GABRR2: variants seen among roughly 807,000 people sequenced by gnomAD.
GABRR2 encodes gamma-aminobutyric acid type A receptor subunit rho2.
GABRR2 carries 36 observed loss-of-function variants against 47.0 expected under a neutral mutation model. The observed-to-expected ratio is 0.77, with a 90% CI of 0.59 to 1.01. The LOEUF is 1.01. Ranked by LOEUF, GABRR2 falls within the 50% of genes least tolerant of loss-of-function variation. GABRR2 has a pLI of 0.00. For synonymous variants in GABRR2, 204 were observed against 227.5 expected, an observed-to-expected ratio of 0.90 and a Z score of 0.93; for missense variants, 587 against 594.6, an observed-to-expected ratio of 0.99 and a Z score of 0.13.
intron 1 of GABRR2, chr6:89,301,949 C>T (rs1000363965): frequency 1.1e-5 from 10 of 943,400 alleles, no homozygotes; most frequent in East Asian, 2.4e-5. Context: ...GAGGCCTCTT[C>T]TCATAAGTAT....
At position 89,269,487 on chromosome 6, in the gene GABRR2, G is replaced by A; in HGVS notation, c.289-253C>T. 7.8e-6 allele frequency: 4 copies of A among 515,066 alleles called. No individual in the cohort carries two copies. The South Asian group carries it at 8.4e-5, about 11-fold the overall frequency. The allele number at this position is 515,066 out of a possible 1,614,324, so 31.9% of individuals were successfully genotyped here. A position where few individuals can be genotyped will look rare whatever the true frequency, so the allele number is the denominator to read the frequency against. On this transcript the variant is annotated intron_variant, in intron 3 of 8. Coordinates refer to ENST00000402938, the MANE Select transcript of GABRR2 (RefSeq NM_002043.5). ...GGCTTTGCAAATGAAAACTGCAGCT[G>A]TGATGCTCGCAGCCTGGCCTGGTGG...
At chr6:89,299,292 A>G (rs1183107479) in intron 2 of GABRR2, among the ~76,000 whole-genome samples, 1 of 152,220 alleles carries the variant, frequency 6.6e-6, no homozygotes, top group African/African-American at 2.4e-5. Context: ...AGTCATGGCA[A>G]CAAAGTTGCA....
intron 2 of GABRR2, among the ~76,000 whole-genome samples, chr6:89,296,544 A>AT (rs201385268): frequency 0.058 from 8,805 of 152,238 alleles, 700 homozygotes; most frequent in East Asian, 0.41. Flanking sequence ...CTTGACTTCT[A>AT]TGGAAGGTGA....
At chr6:89,301,046 A>G (rs1037445560) in intron 1 of GABRR2, among the ~76,000 whole-genome samples, 2 of 152,224 alleles carry the variant, frequency 1.3e-5, no homozygotes, top group African/African-American at 4.8e-5. Flanking sequence ...ATCCACCACA[A>G]TCAAGTAGGC....
intron 7 of GABRR2, among the ~76,000 whole-genome samples, chr6:89,265,407 T>C (rs1471072401): frequency 1.3e-5 from 2 of 152,188 alleles, no homozygotes; most frequent in Non-Finnish European, 2.9e-5. Context: ...TCACAGTTGA[T>C]GTTGTTTTAG....
At chr6:89,291,834 GT>G (rs1257640921) in intron 2 of GABRR2, among the ~76,000 whole-genome samples, 2 of 152,164 alleles carry the variant, frequency 1.3e-5, no homozygotes, top group Non-Finnish European at 1.5e-5. Flanking sequence ...TGTGAAAAGA[GT>G]TCCAATAGTA....
chr6:89,260,850 G>A (rs1773729043), intron 8 of GABRR2, among the ~76,000 whole-genome samples: 1 of 152,082 alleles, frequency 6.6e-6, no homozygotes, highest in Non-Finnish European at 1.5e-5. Context: ...AGCTCTATTG[G>A]GAAACATTTC....
At chr6:89,306,653 A>G (rs938272649) in intron 1 of GABRR2, among the ~76,000 whole-genome samples, 1 of 152,202 alleles carries the variant, frequency 6.6e-6, no homozygotes, top group Non-Finnish European at 1.5e-5. Context: ...AGGTGACGGC[A>G]AAGGAGTGAT....
intron 6 of GABRR2, among the ~76,000 whole-genome samples, chr6:89,266,152 T>G (rs1773890374): frequency 6.6e-6 from 1 of 152,150 alleles, no homozygotes; most frequent in Admixed American, 6.6e-5. Flanking sequence ...AGCCTCAGCC[T>G]CCCAAGCTCA....
intron 2 of GABRR2, among the ~76,000 whole-genome samples, chr6:89,275,620 T>C (rs1346881606): frequency 6.6e-6 from 1 of 152,052 alleles, no homozygotes; most frequent in Non-Finnish European, 1.5e-5. Flanking sequence ...CAGGCCAGGA[T>C]TGGGGGTCTA....
intron 2 of GABRR2, among the ~76,000 whole-genome samples, chr6:89,298,151 C>T (rs1037581535): frequency 1.3e-5 from 2 of 152,140 alleles, no homozygotes; most frequent in Non-Finnish European, 2.9e-5. Context: ...AATCAGGTTG[C>T]GGTTGGAAGG....
intron 2 of GABRR2, among the ~76,000 whole-genome samples, chr6:89,289,664 T>A (rs552252047): frequency 2.0e-5 from 3 of 151,736 alleles, no homozygotes; most frequent in African/African-American, 7.3e-5. Context: ...GATGGATTGA[T>A]ATAACTTGAT....
chr6:89,295,622 T>G (rs1774540196), intron 2 of GABRR2, among the ~76,000 whole-genome samples: 1 of 152,182 alleles, frequency 6.6e-6, no homozygotes, highest in Admixed American at 6.5e-5. Context: ...GCAGAAGCTC[T>G]TTAGTTTAAT....
intron 4 of GABRR2, among the ~76,000 whole-genome samples, chr6:89,268,337 G>T (rs1185016911): frequency 6.6e-6 from 1 of 152,244 alleles, no homozygotes; most frequent in Non-Finnish European, 1.5e-5. Flanking sequence ...CCAGCCACTG[G>T]TGGTGCTGGC....
chr6:89,313,405 T>C (rs1767710435), intron 1 of GABRR2, among the ~76,000 whole-genome samples: 2 of 152,230 alleles, frequency 1.3e-5, no homozygotes, highest in Admixed American at 6.5e-5. Context: ...ACCAGGGTTT[T>C]CCACGTTTTG....
At chr6:89,299,146 C>T (rs1436841576) in intron 2 of GABRR2, among the ~76,000 whole-genome samples, 1 of 152,210 alleles carries the variant, frequency 6.6e-6, no homozygotes, top group African/African-American at 2.4e-5. Flanking sequence ...ACCCACTGGC[C>T]ATGCCTCCCC....
chr6:89,273,723 C>G (rs1230477946), intron 2 of GABRR2, among the ~76,000 whole-genome samples: 1 of 152,190 alleles, frequency 6.6e-6, no homozygotes, highest in Non-Finnish European at 1.5e-5. Flanking sequence ...AGATCCCGCT[C>G]CCTGCTAGAG....
At chr6:89,299,253 G>A (rs1319786495) in intron 2 of GABRR2, among the ~76,000 whole-genome samples, 3 of 152,110 alleles carry the variant, frequency 2.0e-5, no homozygotes, top group Non-Finnish European at 4.4e-5. Context: ...GAAAACAGGT[G>A]ACTCCATCAA....
chr6:89,262,191 G>C (rs1158403700), intron 8 of GABRR2, among the ~76,000 whole-genome samples: 1 of 152,128 alleles, frequency 6.6e-6, no homozygotes, highest in Admixed American at 6.5e-5. Context: ...ACCAGTCCTG[G>C]TCAGTTTACA....
Sources: gnomAD v4.1 joint callset for allele counts (sites outside exome capture counted in the v4.1 genomes callset) on GRCh38, gnomAD v4.1.1 for gene constraint, MANE v1.5 for transcripts, NCBI Gene and HGNC (gene_info 2026-07-23, HGNC 2026-07-21) for gene names.